NCOA3: variants seen among roughly 807,000 people sequenced by gnomAD.
NCOA3 encodes the protein CBP-interacting protein.
A neutral mutation model predicts 158.8 loss-of-function variants in NCOA3; 51 were observed. The observed-to-expected ratio is 0.32, with a 90% CI of 0.26 to 0.41. The LOEUF (loss-of-function observed/expected upper bound fraction) is 0.41, where lower values mean the gene tolerates loss of function less well. NCOA3 is among the 10% of genes least tolerant of loss of function. The probability of loss-of-function intolerance (pLI) is 1.00; values close to 1 mark genes in which losing one functional copy is unlikely to be tolerated. For synonymous variants in NCOA3, 537 were observed against 592.4 expected (o/e 0.91, Z 1.36); for missense variants, 1,510 against 1,746.6 (o/e 0.86, Z 2.41).
intron 1 of NCOA3, among the ~76,000 whole-genome samples, chr20:47,520,053 T>G (rs2084301312): frequency 9.6e-6 from 1 of 104,648 alleles, no homozygotes; most frequent in Non-Finnish European, 1.7e-5. Context: ...TGAGCAACTG[T>G]GCCTGGCCAA....
chr20:47,609,778 C>T (rs1206496344), intron 2 of NCOA3, among the ~76,000 whole-genome samples: 2 of 151,586 alleles, frequency 1.3e-5, no homozygotes, highest in Admixed American at 6.6e-5. Flanking sequence ...TGAATAGCAA[C>T]AAAGAAAAAA....
rs61748369 is a variant in NCOA3 at position 47,649,070 on chromosome 20, G to A, written c.3612G>A (p.Ala1204=). 14 of 1,613,898 alleles carry A rather than the reference G, an allele frequency of 8.7e-6. No homozygotes were observed. The highest frequency in any genetic ancestry group is 2.2e-5 in the South Asian group (2 of 91,078). ...AAAACCCTACTGCTGGTGGTGCTGC[G>A]GTGATGAGGCCTATGATGCAGCCCC... is the stretch of plus-strand genomic sequence containing the variant. ...KMENPTAGGA[A]VMRPMMQPQV... Residue 1204 remains alanine, a synonymous_variant, in exon 19 of 23, where the codon GCG becomes GCA. Transcript: ENST00000371998.
chr20:47,627,478 G>T (rs887564265), intron 6 of NCOA3, 83 bp from the exon 7 acceptor site: 2 of 1,112,394 alleles, frequency 1.8e-6, no homozygotes, highest in Non-Finnish European at 2.6e-6. Flanking sequence ...TGCATAATGA[G>T]AAAATGCAGC....
At chr20:47,537,585 T>G (rs1257092171) in intron 1 of NCOA3, among the ~76,000 whole-genome samples, 1 of 151,514 alleles carries the variant, frequency 6.6e-6, no homozygotes, top group Non-Finnish European at 1.5e-5. Context: ...ACATAGGGTT[T>G]TTTTTTTTTT....
At chr20:47,620,519 C>T (rs141765124) in intron 2 of NCOA3, among the ~76,000 whole-genome samples, 34 of 152,238 alleles carry the variant, frequency 2.2e-4, no homozygotes, top group Non-Finnish European at 2.9e-4. Context: ...AGAGTTTTTA[C>T]GTTTATCTCC....
intron 2 of NCOA3, among the ~76,000 whole-genome samples, chr20:47,600,465 C>T (rs1000730830): frequency 8.1e-5 from 12 of 148,862 alleles, no homozygotes; most frequent in Admixed American, 6.0e-4. Context: ...CGTGAGCCAC[C>T]GCGCATGGCC....
intron 2 of NCOA3, among the ~76,000 whole-genome samples, chr20:47,596,433 C>A (rs2085756651): frequency 6.6e-6 from 1 of 152,088 alleles, no homozygotes; most frequent in Non-Finnish European, 1.5e-5. Flanking sequence ...AGAGTTTCTT[C>A]TAGCTTTTGA....
chr20:47,588,106 C>T (rs1050710259), intron 2 of NCOA3, among the ~76,000 whole-genome samples: 5 of 150,252 alleles, frequency 3.3e-5, no homozygotes, highest in African/African-American at 1.2e-4. Flanking sequence ...CTTGGATTAG[C>T]CCTCCATACC....
At chr20:47,625,524 TTTGG>T (rs2086308031) in intron 5 of NCOA3, 43 bp downstream of exon 5, 2 of 1,290,278 alleles carry the variant, frequency 1.6e-6, no homozygotes, top group Non-Finnish European at 2.2e-6. Context: ...TGTATTGCCC[TTTGG>T]TTTATTATAA....
intron 1 of NCOA3, among the ~76,000 whole-genome samples, chr20:47,571,038 T>C (rs2146201740): frequency 6.8e-6 from 1 of 148,082 alleles, no homozygotes; most frequent in East Asian, 2.0e-4. Flanking sequence ...AGAGTCTTGC[T>C]CTGTCATCCA....
intron 2 of NCOA3, among the ~76,000 whole-genome samples, chr20:47,615,038 G>A (rs1478350136): frequency 1.3e-5 from 2 of 152,186 alleles, no homozygotes; most frequent in African/African-American, 4.8e-5. Flanking sequence ...TACATATTTT[G>A]TTGGTTATGA....
intron 1 of NCOA3, among the ~76,000 whole-genome samples, chr20:47,539,959 T>C (rs2084696018): frequency 6.6e-6 from 1 of 152,216 alleles, no homozygotes; most frequent in Admixed American, 6.5e-5. Flanking sequence ...GGATACTAGT[T>C]TTACATAAAC....
intron 1 of NCOA3, among the ~76,000 whole-genome samples, chr20:47,538,254 T>C (rs546728120): frequency 2.6e-4 from 39 of 152,322 alleles, no homozygotes; most frequent in African/African-American, 9.1e-4. Context: ...AGATGATCTT[T>C]AGTTGACTTG....
intron 1 of NCOA3, among the ~76,000 whole-genome samples, chr20:47,517,183 A>G (rs1341098508): frequency 6.6e-6 from 1 of 152,142 alleles, no homozygotes; most frequent in African/African-American, 2.4e-5. Flanking sequence ...GCACCACTGC[A>G]CTCCAGCCTG....
chr20:47,595,202 G>A (rs1015220482), intron 2 of NCOA3, among the ~76,000 whole-genome samples: 1 of 150,044 alleles, frequency 6.7e-6, no homozygotes, highest in Non-Finnish European at 1.5e-5. Flanking sequence ...GGGTTCAAGC[G>A]ATTCTGCTGC....
chr20:47,627,517 A>G, intron 6 of NCOA3, 44 bp from the exon 7 acceptor site: 1 of 1,460,812 alleles, frequency 6.8e-7, no homozygotes, highest in Non-Finnish European at 9.4e-7. Context: ...TCATAGAATG[A>G]GTTACCAGCT....
At chr20:47,576,566 T>C (rs2085375340) in intron 1 of NCOA3, among the ~76,000 whole-genome samples, 1 of 152,124 alleles carries the variant, frequency 6.6e-6, no homozygotes, top group African/African-American at 2.4e-5. Flanking sequence ...TTGAATAAAA[T>C]TGTCACCTTG....
intron 1 of NCOA3, among the ~76,000 whole-genome samples, chr20:47,502,460 C>T (rs1602304673): frequency 6.6e-6 from 1 of 152,174 alleles, no homozygotes; most frequent in Non-Finnish European, 1.5e-5. Flanking sequence ...AGGGAAAAGC[C>T]GCGGGGACCC....
At chr20:47,522,474 A>T (rs72661190) in intron 1 of NCOA3, among the ~76,000 whole-genome samples, 4,729 of 149,610 alleles carry the variant, frequency 0.032, 120 homozygotes, top group Middle Eastern at 0.099. Context: ...GAGAAGACGG[A>T]AGAAGCTCCC....
Sources: gnomAD v4.1 joint callset for allele counts (sites outside exome capture counted in the v4.1 genomes callset) on GRCh38, gnomAD v4.1.1 for gene constraint, MANE v1.5 for transcripts, NCBI Gene and HGNC (gene_info 2026-07-23, HGNC 2026-07-21) for gene names.